Variants in ECPAS observed in about 807,000 individuals in gnomAD.
The protein encoded by ECPAS is Ecm29 proteasome adaptor and scaffold.
ECPAS carries 70 observed loss-of-function variants against 255.1 expected under a neutral mutation model. That is an observed-to-expected ratio of 0.27 (90% CI 0.23 to 0.33). The LOEUF is 0.33. ECPAS is among the 10% of genes least tolerant of loss of function. The pLI is 1.00. For synonymous variants in ECPAS, 784 were observed against 775.0 expected, an observed-to-expected ratio of 1.01 and a Z score of -0.19; for missense variants, 1,817 against 2,206.4, an observed-to-expected ratio of 0.82 and a Z score of 3.54.
Position 111,404,447 on chromosome 9 carries a change from A to C in ECPAS, c.2652+4124T>G, listed in dbSNP as rs576772124. 1.9e-4 allele frequency among the ~76,000 whole-genome samples: 28 copies of C among 148,966 alleles called. No homozygotes were observed. In the South Asian group the frequency reaches 5.3e-3, roughly 28 times the overall value. ...TGCTTTGGATTTGTGTCCCTGCCCA[A>C]ATCTCATGACTGAATCGTAATCCCC... is the stretch of plus-strand genomic sequence containing the variant. On this transcript the variant is annotated intron_variant, in intron 24 of 49. Coordinates refer to ENST00000684092, the MANE Select transcript of ECPAS (RefSeq NM_001364929.1).
chr9:111,398,771 T>C (rs1004061573), intron 24 of ECPAS, among the ~76,000 whole-genome samples: 1 of 152,060 alleles, frequency 6.6e-6, no homozygotes, highest in African/African-American at 2.4e-5. Flanking sequence ...ACCCCGTCTC[T>C]ACTAAAAATA....
At chr9:111,458,293 A>G (rs1210979404) in intron 2 of ECPAS, among the ~76,000 whole-genome samples, 1 of 152,202 alleles carries the variant, frequency 6.6e-6, no homozygotes, top group Non-Finnish European at 1.5e-5. Context: ...CTTCATAAGA[A>G]TGTTGTGAAA....
chr9:111,446,400 A>C (rs2098253033), intron 3 of ECPAS, among the ~76,000 whole-genome samples: 1 of 152,190 alleles, frequency 6.6e-6, no homozygotes, highest in Non-Finnish European at 1.5e-5. Flanking sequence ...ATTTAAGATA[A>C]ATATTCTGCA....
At chr9:111,410,250 C>T (rs1418753974) in intron 22 of ECPAS, 37 bp from the exon 23 acceptor site, 17 of 1,560,700 alleles carry the variant, frequency 1.1e-5, no homozygotes, top group Non-Finnish European at 1.5e-5. Context: ...AATTACATAC[C>T]ATTATCCTTA....
chr9:111,399,810 G>A (rs2098172970), intron 24 of ECPAS, among the ~76,000 whole-genome samples: 1 of 152,250 alleles, frequency 6.6e-6, no homozygotes, highest in Admixed American at 6.5e-5. Flanking sequence ...AAGGGAATCT[G>A]CTCATGTGGC....
chr9:111,483,611 C>A (rs926784018), intron 1 of ECPAS: 24 of 362,894 alleles, frequency 6.6e-5, no homozygotes, highest in Non-Finnish European at 8.7e-5. Flanking sequence ...TCGCGGCTCG[C>A]GGTGCGGCAG....
At chr9:111,393,953 C>T (rs1228227874) in intron 26 of ECPAS, among the ~76,000 whole-genome samples, 1 of 152,228 alleles carries the variant, frequency 6.6e-6, no homozygotes, top group Admixed American at 6.5e-5. Context: ...ACTGAGCCTT[C>T]CTATCTCAAG....
intron 36 of ECPAS, among the ~76,000 whole-genome samples, chr9:111,377,588 T>C (rs369213349): frequency 6.6e-6 from 1 of 152,192 alleles, no homozygotes; most frequent in Non-Finnish European, 1.5e-5. Flanking sequence ...AATAAGTGTA[T>C]ATATAGACAC....
intron 9 of ECPAS, among the ~76,000 whole-genome samples, chr9:111,428,423 T>G (rs999928125): frequency 2.0e-5 from 3 of 152,258 alleles, no homozygotes; most frequent in African/African-American, 7.2e-5. Context: ...TTTTCAAAAC[T>G]AACATTTTTA....
chr9:111,397,976 G>A (rs2098170111), intron 24 of ECPAS, among the ~76,000 whole-genome samples: 4 of 152,142 alleles, frequency 2.6e-5, no homozygotes, highest in South Asian at 4.1e-4. Context: ...TTCACTAGTA[G>A]GAGTCACTGA....
chr9:111,386,066 C>T (rs574898209), intron 32 of ECPAS, among the ~76,000 whole-genome samples: 19 of 152,278 alleles, frequency 1.2e-4, no homozygotes, highest in Non-Finnish European at 1.5e-4. Context: ...TGGGTTCAAG[C>T]GATTCTCCTG....
intron 6 of ECPAS, among the ~76,000 whole-genome samples, chr9:111,439,967 T>C (rs1589200735): frequency 6.6e-6 from 1 of 152,162 alleles, no homozygotes; most frequent in East Asian, 1.9e-4. Context: ...CTGGAGACAA[T>C]TTATCATTGT....
chr9:111,428,264 C>G, intron 9 of ECPAS, 103 bp from the exon 10 acceptor site: 10 of 1,135,068 alleles, frequency 8.8e-6, no homozygotes, highest in Non-Finnish European at 1.2e-5. Context: ...AACTTTGTTT[C>G]AAGATCCCTT....
chr9:111,410,283 T>C (rs1363163717), intron 22 of ECPAS, 70 bp from the exon 23 acceptor site: 5 of 1,331,432 alleles, frequency 3.8e-6, no homozygotes, highest in Non-Finnish European at 5.1e-6. Context: ...ACCAGTGATG[T>C]ACTCAAGGTT....
Position 111,363,647 on chromosome 9 carries a change from T to A in ECPAS, c.5321A>T (p.Tyr1774Phe). ...SITYSLENKT[Y>F]SSVRTEALSV... ...TAAAGCTTCTGTTCTCACAGATGAG[T>A]AGGTCTTATTTTCTAAAAAGAAATA... The change falls in exon 49 of 50, where the codon TAC becomes TTC. Residue 1774 changes from tyrosine (Y) to phenylalanine (F), a missense_variant. Tyr to Phe is a conservative substitution (Grantham distance 22). This residue lies in a region of ECPAS where 960 missense variants were observed against 1,179.0 expected (regional missense o/e 0.81). Transcript: ENST00000684092. 1 of 1,521,094 alleles carries A rather than the reference T, an allele frequency of 6.6e-7. No individual in the cohort carries two copies. Among genetic ancestry groups the A allele is most frequent in the Non-Finnish European group, 8.9e-7 (1 of 1,121,324 alleles). The allele number at this position is 1,521,094 out of a possible 1,614,324, so 94.2% of individuals were successfully genotyped here.
chr9:111,440,328 G>C (rs1375660579), intron 6 of ECPAS, 44 bp downstream of exon 6: 29 of 1,535,974 alleles, frequency 1.9e-5, no homozygotes, highest in Non-Finnish European at 2.5e-5. Context: ...ACTCCCCGTA[G>C]TAAAAGCAGT....
At chr9:111,458,631 TGGAGAG>T (rs1297706939) in intron 2 of ECPAS, among the ~76,000 whole-genome samples, 2 of 115,340 alleles carry the variant, frequency 1.7e-5, no homozygotes, top group African/African-American at 6.8e-5. Context: ...GGGGAAGGGT[TGGAGAG>T]GGAGAGGAGG....
intron 12 of ECPAS, among the ~76,000 whole-genome samples, chr9:111,425,002 T>C (rs918572019): frequency 6.6e-6 from 1 of 151,906 alleles, no homozygotes; most frequent in African/African-American, 2.4e-5. Flanking sequence ...CCAGTAGAGA[T>C]GGCCAACCCA....
chr9:111,466,618 C>CACAAAAT, intron 2 of ECPAS, among the ~76,000 whole-genome samples: 1 of 48,978 alleles, frequency 2.0e-5, no homozygotes, highest in Non-Finnish European at 5.9e-5. Flanking sequence ...TAACTAAATA[C>CACAAAAT]ACACACACAC....
Sources: allele counts gnomAD v4.1 joint callset (sites outside exome capture counted in the v4.1 genomes callset), GRCh38; gene constraint gnomAD v4.1.1; regional missense constraint gnomAD v4.1.1; transcripts MANE v1.5; gene names NCBI Gene and HGNC (gene_info 2026-07-23, HGNC 2026-07-21).